The following DSG1 variants were observed in gnomAD, a reference collection of about 807,000 sequenced individuals.
DSG1 encodes the protein desmoglein-1.
DSG1 carries 39 observed loss-of-function variants against 97.5 expected under a neutral mutation model. The ratio of observed to expected loss-of-function variants is 0.40; its 90% CI spans 0.31 to 0.52. The LOEUF (loss-of-function observed/expected upper bound fraction) is 0.52. Among genes scored for constraint, DSG1 ranks in the 20% least tolerant of loss-of-function variants. The pLI is 0.53. For synonymous variants in DSG1, 475 were observed against 443.4 expected, an observed-to-expected ratio of 1.07 and a Z score of -0.90; for missense variants, 1,311 against 1,295.4, an observed-to-expected ratio of 1.01 and a Z score of -0.18.
chr18:31,319,061 T>C (rs1257119349), intron 1 of DSG1, among the ~76,000 whole-genome samples: 1 of 152,206 alleles, frequency 6.6e-6, no homozygotes, highest in Non-Finnish European at 1.5e-5. Flanking sequence ...ATGACTGCGA[T>C]ATAAAAGTTG....
rs200317591 is a variant in DSG1 at position 31,319,896 on chromosome 18, A to AT, written c.48+1557dup. ...TTGAACTTTCTCTAGCTGTGCCTAG[A>AT]TTTTTTTTTGTTGGCTTATGGGGGT... On this transcript the variant is annotated intron_variant, in intron 1 of 14. Transcript: ENST00000257192. Among the ~76,000 whole-genome samples the AT allele has an allele frequency of 2.0e-4, 25 of 122,362 alleles. No homozygotes were observed. The East Asian group carries it at 4.5e-3, about 22-fold the overall frequency. 80.3% of individuals were successfully genotyped at this position (122,362 alleles called of 152,430 possible). A position where few individuals can be genotyped will look rare whatever the true frequency, so the allele number is the denominator to read the frequency against.
In DSG1 at chr18:31,355,649, C is replaced by T; in HGVS notation, c.*303C>T. 1 of 395,078 alleles carries T rather than the reference C, an allele frequency of 2.5e-6. No homozygotes were observed. Among genetic ancestry groups the T allele is most frequent in the South Asian group, 3.2e-5 (1 of 31,624 alleles). The allele number at this position is 395,078 out of a possible 1,614,324, so 24.5% of individuals were successfully genotyped here. A position where few individuals can be genotyped will look rare whatever the true frequency, so the allele number is the denominator to read the frequency against. On this transcript the variant is annotated 3_prime_UTR_variant, in exon 15 of 15. Transcript: ENST00000257192. Reference sequence around the variant, plus strand: ...TAACTGGCCTTACGATGGCAATTGGCATCATTCTCCTTGCTCTGTTTTGCT... The same window carrying T: ...TAACTGGCCTTACGATGGCAATTGGTATCATTCTCCTTGCTCTGTTTTGCT...
chr18:31,348,159 C>T (rs2071858884), intron 14 of DSG1, among the ~76,000 whole-genome samples: 1 of 142,060 alleles, frequency 7.0e-6, no homozygotes, highest in Admixed American at 7.2e-5. Flanking sequence ...TGATATTCCC[C>T]TTCCTGTGTC....
At chr18:31,328,849 G>A (rs1000977862) in intron 4 of DSG1, among the ~76,000 whole-genome samples, 4 of 152,076 alleles carry the variant, frequency 2.6e-5, no homozygotes, top group African/African-American at 9.7e-5. Flanking sequence ...TATTCCTCAA[G>A]CTCACCTGAG....
Position 31,354,896 on chromosome 18 carries a change from A to T in DSG1, c.2700A>T (p.Ala900=), listed in dbSNP as rs1233909504. 8 of 1,614,090 alleles carry T rather than the reference A, an allele frequency of 5.0e-6. No individual in the cohort carries two copies. The Admixed American group carries it at 1.3e-4, about 27-fold the overall frequency. Residue 900 remains alanine, a synonymous_variant, in exon 15 of 15, where the codon GCA becomes GCT. Coordinates refer to ENST00000257192, the MANE Select transcript of DSG1 (RefSeq NM_001942.4). ...SNVIVTERVI[A]PSSSLPTSLT... ...TTATAGTGACAGAAAGGGTAATAGC[A>T]CCAAGCTCTAGTCTACCCACCTCTC...
In DSG1 at chr18:31,355,227, A is replaced by G; in HGVS notation, c.3031A>G (p.Ser1011Gly). ...IGLSSLGGTA[S>G]IGHMRSSSDH... ...CCTGAGCAGCTTGGGAGGGACAGCCAGCATTGGCCACATGAGGAGTTCCTC... is the reference window on the plus strand; with the variant it reads ...CCTGAGCAGCTTGGGAGGGACAGCCGGCATTGGCCACATGAGGAGTTCCTC... Residue 1011 changes from serine to glycine, a missense_variant, in exon 15 of 15, where the codon AGC becomes GGC. Ser to Gly is a moderately conservative substitution (Grantham distance 56). This residue lies in a region of DSG1 where 1,038 missense variants were observed against 964.6 expected (regional missense o/e 1.08). Transcript: ENST00000257192. 1.2e-6 allele frequency: 2 copies of G among 1,606,794 alleles called. No individual in the cohort carries two copies. Among genetic ancestry groups the G allele is most frequent in the Non-Finnish European group, 1.7e-6 (2 of 1,175,196 alleles).
Position 31,328,333 on chromosome 18 carries a change from C to G in DSG1, c.361C>G (p.Pro121Ala). The change falls in exon 4 of 15, where the codon CCT (proline) becomes GCT (alanine). Residue 121 changes from proline (P) to alanine (A), a missense_variant. Transcript: ENST00000257192. ...ITSIVDREVT[P>A]FFIIYCRALN... The stretch of plus-strand genomic sequence containing the variant: ...ATCCATAGTTGATCGAGAGGTCACT[C>G]CTTTCTTCATTGTAAGTGGACTTCA... The G allele has an allele frequency of 6.2e-7, 1 of 1,612,868 alleles. No individual in the cohort carries two copies. The highest frequency in any genetic ancestry group is 8.5e-7 in the Non-Finnish European group (1 of 1,179,094).
chr18:31,319,630 T>C (rs2071641249), intron 1 of DSG1, among the ~76,000 whole-genome samples: 1 of 152,164 alleles, frequency 6.6e-6, no homozygotes, highest in Admixed American at 6.5e-5. Flanking sequence ...ATATTGTCAG[T>C]AATCAAGCAC....
rs200393593 is a variant in DSG1, at chr18:31,354,878, G to C, written c.2682G>C (p.Val894=). 6.2e-7 allele frequency: 1 copy of C among 1,614,198 alleles called. No individual in the cohort carries two copies. The highest frequency in any genetic ancestry group is 2.2e-5 in the East Asian group (1 of 44,884). The part of the protein sequence containing the change: ...PDLRDGSNVI[V]TERVIAPSSS... ...TGCGAGATGGGTCGAATGTTATAGT[G>C]ACAGAAAGGGTAATAGCACCAAGCT... The change falls in exon 15 of 15, where the codon GTG becomes GTC. Residue 894 remains valine, a synonymous_variant. Transcript: ENST00000257192.
chr18:31,339,328 A>G (rs956602999), intron 10 of DSG1, among the ~76,000 whole-genome samples: 1 of 152,140 alleles, frequency 6.6e-6, no homozygotes. Flanking sequence ...TCAATGTAAC[A>G]TAAATAATAA....
Position 31,340,023 on chromosome 18 carries a change from G to A in DSG1, c.1685G>A (p.Gly562Glu). The A allele has an allele frequency of 6.2e-7, 1 of 1,613,958 alleles. No individual in the cohort carries two copies. Among genetic ancestry groups the A allele is most frequent in the Non-Finnish European group, 8.5e-7 (1 of 1,179,954 alleles). Reference sequence around the variant, plus strand: ...CTCATCATGGGATTCTTGGTCTTAGGATGTAAGTACTTTAGCAATCCTATG... The same window carrying A: ...CTCATCATGGGATTCTTGGTCTTAGAATGTAAGTACTTTAGCAATCCTATG... ...GLLIMGFLVL[G>E]LVPFLMICCD... Residue 562 changes from glycine (G) to glutamate (E), a missense_variant and splice_region_variant, in exon 11 of 15, where the codon GGA becomes GAA. This residue lies in a region of DSG1 where 1,038 missense variants were observed against 964.6 expected (regional missense o/e 1.08). Coordinates refer to ENST00000257192, the MANE Select transcript of DSG1 (RefSeq NM_001942.4).
Position 31,326,962 on chromosome 18 carries a change from G to A in DSG1, c.173G>A (p.Cys58Tyr). The change falls in exon 3 of 15, where the codon TGT becomes TAT. Residue 58 changes from cysteine (C) to tyrosine (Y), a missense_variant. Physicochemically the swap from Cys to Tyr is radical, Grantham distance 194. Around this residue, in one of 3 missense-constraint regions of DSG1, gnomAD observed 259 missense variants for 304.1 expected, o/e 0.85. Transcript: ENST00000257192. ...GAATGGATCAAGTTCGCAGCAGCCT[G>A]TCGTGAAGGTGAAGACAACTCAAAG... ...KREWIKFAAA[C>Y]REGEDNSKRN... 6.2e-7 allele frequency: 1 copy of A among 1,613,988 alleles called. No homozygotes were observed. Among genetic ancestry groups the A allele is most frequent in the Non-Finnish European group, 8.5e-7 (1 of 1,179,894 alleles).
intron 4 of DSG1, among the ~76,000 whole-genome samples, chr18:31,329,252 C>T (rs2071705810): frequency 6.6e-6 from 1 of 152,028 alleles, no homozygotes; most frequent in Non-Finnish European, 1.5e-5. Flanking sequence ...ATGGCCAACA[C>T]TTCTTAATAT....
rs1051116509 is a variant in DSG1 at position 31,319,246 on chromosome 18, C to G, written c.48+898C>G. On this transcript the variant is annotated intron_variant, in intron 1 of 14. Coordinates refer to ENST00000257192, the MANE Select transcript of DSG1 (RefSeq NM_001942.4). Reference sequence around the variant, plus strand: ...CTCTCATAGTAAGGTTAATGTAATTCAAAAAGGCAGGTGCCAAGTAAATTG... The same window carrying G: ...CTCTCATAGTAAGGTTAATGTAATTGAAAAAGGCAGGTGCCAAGTAAATTG... Among the ~76,000 whole-genome samples the G allele has an allele frequency of 3.9e-5, 6 of 152,184 alleles. 1 individual carries two copies. In the South Asian group the frequency reaches 1.2e-3, roughly 32 times the overall value.
At chr18:31,341,765 TTC>T (rs1251246519) in intron 11 of DSG1, among the ~76,000 whole-genome samples, 1 of 87,488 alleles carries the variant, frequency 1.1e-5, no homozygotes, top group Admixed American at 8.8e-5. Flanking sequence ...AAAGAGTTCA[TTC>T]TCTCTGTTAT....
At chr18:31,343,896 CAA>C in intron 12 of DSG1, 28 bp from the exon 13 acceptor site, 7 of 1,566,522 alleles carry the variant, frequency 4.5e-6, no homozygotes, top group Non-Finnish European at 6.2e-6. Flanking sequence ...TTGGTCACTA[CAA>C]ATGGAAATGT....
chr18:31,330,407 T>C (rs2071713328), intron 5 of DSG1, among the ~76,000 whole-genome samples: 1 of 152,160 alleles, frequency 6.6e-6, no homozygotes. Flanking sequence ...TCCCCTTTTT[T>C]AAAGTTAGCT....
At chr18:31,337,652 G>A (rs779294474) in intron 9 of DSG1, among the ~76,000 whole-genome samples, 6 of 152,278 alleles carry the variant, frequency 3.9e-5, no homozygotes, top group East Asian at 1.9e-4. Context: ...GCTGATGAGC[G>A]CTCTTGTACC....
chr18:31,326,890 C>T lies in DSG1; in HGVS notation c.101C>T (p.Thr34Ile), dbSNP rs2071688880. The change falls in exon 3 of 15, where the codon ACT (threonine) becomes ATT (isoleucine). Residue 34 changes from threonine (T) to isoleucine (I), a missense_variant. Physicochemically the swap from Thr to Ile is moderately conservative, Grantham distance 89. Coordinates refer to ENST00000257192, the MANE Select transcript of DSG1 (RefSeq NM_001942.4). ...TCATTTAAGGTAAGAGATTATAACA[C>T]TAAAAATGGCACCATCAAATGGCAT... ...EFRIQVRDYNTKNGTIKWHSI... is the reference protein window; with the variant it reads ...EFRIQVRDYNIKNGTIKWHSI... 4 of 1,613,406 alleles carry T rather than the reference C, an allele frequency of 2.5e-6. No homozygotes were observed. Among genetic ancestry groups the T allele is most frequent in the South Asian group, 1.1e-5 (1 of 91,070 alleles).
Sources: gnomAD v4.1 joint callset for allele counts (sites outside exome capture counted in the v4.1 genomes callset) on GRCh38, gnomAD v4.1.1 for gene constraint, gnomAD v4.1.1 regional missense constraint, MANE v1.5 for transcripts, NCBI Gene and HGNC (gene_info 2026-07-23, HGNC 2026-07-21) for gene names.